RABGAP1L: variants seen among roughly 807,000 people sequenced by gnomAD.
RABGAP1L encodes the protein rab GTPase-activating protein 1-like.
Under a neutral mutation model 137.7 loss-of-function variants are expected in RABGAP1L, and 63 were observed. The ratio of observed to expected loss-of-function variants is 0.46; its 90% CI spans 0.37 to 0.56. RABGAP1L has a LOEUF of 0.56. Ranked by LOEUF, RABGAP1L falls within the 20% of genes least tolerant of loss-of-function variation. The probability of loss-of-function intolerance (pLI) is 0.00; values close to 1 mark genes in which losing one functional copy is unlikely to be tolerated. For missense variants in RABGAP1L, 1,095 were observed against 1,244.0 expected, an observed-to-expected ratio of 0.88 and a Z score of 1.80; for synonymous variants, 431 against 433.7, an observed-to-expected ratio of 0.99 and a Z score of 0.08.
intron 13 of RABGAP1L, among the ~76,000 whole-genome samples, chr1:174,615,788 G>A (rs1268706366): frequency 6.6e-6 from 1 of 152,172 alleles, no homozygotes; most frequent in East Asian, 1.9e-4. Context: ...AATGGTGGGC[G>A]CCCCTCCCCC....
At position 174,382,790 on chromosome 1, in the gene RABGAP1L, T is replaced by C. The variant is rs1468850527; in HGVS notation, c.1560-11205T>C. 3.6e-4 allele frequency among the ~76,000 whole-genome samples: 54 copies of C among 149,406 alleles called. 1 individual carries two copies. The East Asian group carries it at 6.5e-3, about 18-fold the overall frequency. Reference sequence around the variant, plus strand: ...CGTCTGAAGCCTTCTTCTCTCAGCTTGTCAAAGTCATTCTCCATCCAGCTT... The same window carrying C: ...CGTCTGAAGCCTTCTTCTCTCAGCTCGTCAAAGTCATTCTCCATCCAGCTT... On this transcript the variant is annotated intron_variant, in intron 12 of 25. Coordinates refer to ENST00000681986, the MANE Select transcript of RABGAP1L (RefSeq NM_001366446.1).
At position 174,855,800 on chromosome 1, in the gene RABGAP1L, T is replaced by C. The variant is rs150207777; in HGVS notation, c.2340+43840T>C. Among the ~76,000 whole-genome samples, 182 of 152,324 alleles carry C rather than the reference T, an allele frequency of 1.2e-3. 1 individual carries two copies. Among genetic ancestry groups the C allele is most frequent in the African/African-American group, 3.5e-3 (147 of 41,582 alleles). Reference sequence around the variant, plus strand: ...GGAGAATGTGGGATTAACTCACTTATTTTTATTATGTATAGAAATTTCAGT... The same window carrying C: ...GGAGAATGTGGGATTAACTCACTTACTTTTATTATGTATAGAAATTTCAGT... On this transcript the variant is annotated intron_variant, in intron 19 of 25. Transcript: ENST00000681986.
At chr1:174,240,983 C>T (rs1331387311) in intron 4 of RABGAP1L, among the ~76,000 whole-genome samples, 2 of 151,944 alleles carry the variant, frequency 1.3e-5, no homozygotes, top group African/African-American at 4.8e-5. Context: ...ACAAGTTGTT[C>T]TCTCTTGCAT....
chr1:174,972,328 G>T (rs1490546613), intron 21 of RABGAP1L, among the ~76,000 whole-genome samples: 1 of 152,160 alleles, frequency 6.6e-6, no homozygotes, highest in East Asian at 1.9e-4. Flanking sequence ...GGCCTGGTTA[G>T]TTCTTTCAGA....
chr1:174,666,778 G>C (rs576124813), intron 14 of RABGAP1L, among the ~76,000 whole-genome samples: 2 of 152,134 alleles, frequency 1.3e-5, no homozygotes, highest in Non-Finnish European at 2.9e-5. Flanking sequence ...TAAGGTTTGT[G>C]TGTGAGGGAG....
chr1:174,357,976 C>T (rs1471708168), intron 11 of RABGAP1L, among the ~76,000 whole-genome samples: 2 of 152,158 alleles, frequency 1.3e-5, no homozygotes, highest in Non-Finnish European at 2.9e-5. Context: ...CTGTTATCGT[C>T]CCCATGTTAG....
At chr1:174,248,294 CT>C in intron 5 of RABGAP1L, among the ~76,000 whole-genome samples, 1 of 152,302 alleles carries the variant, frequency 6.6e-6, no homozygotes, top group East Asian at 1.9e-4. Flanking sequence ...TTTCTGGCAC[CT>C]AGACTAATAC....
chr1:174,600,609 G>A (rs1406669854), intron 13 of RABGAP1L, among the ~76,000 whole-genome samples: 1 of 152,170 alleles, frequency 6.6e-6, no homozygotes, highest in Non-Finnish European at 1.5e-5. Flanking sequence ...ATCCAGTGAG[G>A]CAGTCAAATT....
chr1:174,781,598 T>G (rs1687012662), intron 18 of RABGAP1L, among the ~76,000 whole-genome samples: 1 of 152,230 alleles, frequency 6.6e-6, no homozygotes, highest in South Asian at 2.1e-4. Flanking sequence ...ATTTTGGCTT[T>G]TGTTGCCATT....
intron 13 of RABGAP1L, among the ~76,000 whole-genome samples, chr1:174,633,573 C>G (rs1200696850): frequency 7.0e-6 from 1 of 142,168 alleles, no homozygotes; most frequent in Non-Finnish European, 1.5e-5. Flanking sequence ...CCTGCATCAC[C>G]AAGTCAATCC....
At chr1:174,662,152 G>A (rs1215160472) in intron 14 of RABGAP1L, among the ~76,000 whole-genome samples, 1 of 136,458 alleles carries the variant, frequency 7.3e-6, no homozygotes, top group African/African-American at 2.8e-5. Context: ...CGCCCAGGCT[G>A]TAGTGCAATG....
intron 19 of RABGAP1L, among the ~76,000 whole-genome samples, chr1:174,907,260 TG>T (rs747546207): frequency 3.3e-5 from 5 of 152,258 alleles, no homozygotes; most frequent in South Asian, 4.1e-4. Flanking sequence ...AATTTTGTCA[TG>T]TTTTTTTATT....
intron 19 of RABGAP1L, among the ~76,000 whole-genome samples, chr1:174,902,041 C>T (rs1658230280): frequency 6.6e-6 from 1 of 152,152 alleles, no homozygotes; most frequent in Non-Finnish European, 1.5e-5. Flanking sequence ...GCAAAGGTGG[C>T]AGCTAGCTCC....
intron 13 of RABGAP1L, among the ~76,000 whole-genome samples, chr1:174,606,576 A>G (rs4451598): frequency 0.37 from 55,951 of 152,114 alleles, 13,585 homozygotes; most frequent in African/African-American, 0.69. Flanking sequence ...CATTTTCAGT[A>G]TCTTTGTCAT....
chr1:174,393,889 C>T (rs1237311740), intron 12 of RABGAP1L, 106 bp from the exon 13 acceptor site: 2 of 1,308,956 alleles, frequency 1.5e-6, no homozygotes, highest in Non-Finnish European at 2.1e-6. Context: ...ACTGTTTTCT[C>T]TTGACCCAAG....
chr1:174,490,539 AT>A, intron 13 of RABGAP1L, among the ~76,000 whole-genome samples: 1 of 152,240 alleles, frequency 6.6e-6, no homozygotes, highest in East Asian at 1.9e-4. Context: ...CCAGCATAGC[AT>A]TTTGTCTCAC....
chr1:174,712,116 CTCTGTAAAATGGACCAATCAGCTG>C (rs1202571864), intron 17 of RABGAP1L, among the ~76,000 whole-genome samples: 4 of 152,270 alleles, frequency 2.6e-5, no homozygotes, highest in African/African-American at 4.8e-5. Flanking sequence ...CCAATCGGCT[CTCTGTAAAATGGACCAATCAGCTG>C]TCTGTAAAAC....
In RABGAP1L at chr1:174,877,948, T is replaced by C. The variant is rs116498661; in HGVS notation, c.2340+65988T>C. Among the ~76,000 whole-genome samples, 1,374 of 152,340 alleles carry C rather than the reference T, an allele frequency of 9.0e-3. 22 individuals carry two copies. Among genetic ancestry groups the C allele is most frequent in the African/African-American group, 0.032 (1,314 of 41,582 alleles). On this transcript the variant is annotated intron_variant, in intron 19 of 25. Transcript: ENST00000681986. The stretch of plus-strand genomic sequence containing the variant: ...CATAGAAGTGTAACGTTTCTACCAG[T>C]GAGTAATAACATCATCTGAGAATTG...
chr1:174,924,405 A>G (rs74957426), intron 19 of RABGAP1L, among the ~76,000 whole-genome samples: 8 of 151,182 alleles, frequency 5.3e-5, no homozygotes, highest in Non-Finnish European at 7.4e-5. Flanking sequence ...AAAAAAAAAA[A>G]AGAGAGAGAT....
Sources: allele counts gnomAD v4.1 joint callset (sites outside exome capture counted in the v4.1 genomes callset), GRCh38; gene constraint gnomAD v4.1.1; transcripts MANE v1.5; gene names NCBI Gene and HGNC (gene_info 2026-07-23, HGNC 2026-07-21).